The following TTC7B variants were observed in gnomAD, a reference collection of about 807,000 sequenced individuals.
TTC7B encodes the protein tetratricopeptide repeat protein 7B.
Under a neutral mutation model 106.8 loss-of-function variants are expected in TTC7B, and 28 were observed. The ratio of observed to expected loss-of-function variants is 0.26; its 90% CI spans 0.19 to 0.36. The LOEUF is 0.36. Ranked by LOEUF, TTC7B falls within the 10% of genes least tolerant of loss-of-function variation. The probability of loss-of-function intolerance (pLI) is 1.00; values close to 1 mark genes in which losing one functional copy is unlikely to be tolerated. For missense variants in TTC7B, 862 were observed against 1,076.4 expected (o/e 0.80, Z 2.79); for synonymous variants, 405 against 430.6 (o/e 0.94, Z 0.74).
rs1436498430 is a variant in TTC7B, at chr14:90,805,669, TGAGGC to T, written c.121+10501_121+10505del. The stretch of plus-strand genomic sequence containing the variant: ...CCTCGGGCATTATTTGGGGTTTAAG[TGAGGC>T]TGCAATAACCAGCTCCCAACGACTT... On this transcript the variant is annotated intron_variant, in intron 1 of 19. Transcript: ENST00000328459. This position sits in a 1 kb window ranked among gnomAD's most constrained non-coding sequence, Gnocchi z 4.0. Among the ~76,000 whole-genome samples the T allele has an allele frequency of 6.6e-6, 1 of 152,196 alleles. No individual in the cohort carries two copies.
At chr14:90,778,762 T>C (rs1566883283) in intron 3 of TTC7B, among the ~76,000 whole-genome samples, 1 of 152,202 alleles carries the variant, frequency 6.6e-6, no homozygotes, top group Non-Finnish European at 1.5e-5. Flanking sequence ...GGCGTGCCCA[T>C]TAAACTGCCA....
At position 90,742,708 on chromosome 14, in the gene TTC7B, A is replaced by T. The variant is rs1889816859; in HGVS notation, c.576+2084T>A. Among the ~76,000 whole-genome samples, 1 of 152,230 alleles carries T rather than the reference A, an allele frequency of 6.6e-6. No homozygotes were observed. On this transcript the variant is annotated intron_variant, in intron 4 of 19. Transcript: ENST00000328459. This position sits in a 1 kb window ranked among gnomAD's most constrained non-coding sequence, Gnocchi z 4.1. ...TTATGATCACCATTTCCCCAAAATCAAAGAAAAGGATTTCTTTTAAATCCT... is the reference window on the plus strand; with the variant it reads ...TTATGATCACCATTTCCCCAAAATCTAAGAAAAGGATTTCTTTTAAATCCT...
intron 19 of TTC7B, among the ~76,000 whole-genome samples, chr14:90,554,126 G>A (rs1890202360): frequency 6.6e-6 from 1 of 152,202 alleles, no homozygotes; most frequent in African/African-American, 2.4e-5. Context: ...CAGCATTGGT[G>A]CTGACATATC....
intron 4 of TTC7B, among the ~76,000 whole-genome samples, chr14:90,739,592 G>C (rs1889679265): frequency 6.6e-6 from 1 of 152,228 alleles, no homozygotes; most frequent in Non-Finnish European, 1.5e-5. Context: ...AGTCTAGGTG[G>C]GGCACTGTAA....
chr14:90,575,295 A>T lies in TTC7B; in HGVS notation c.2310+2811T>A, dbSNP rs1406802635. 6.6e-6 allele frequency among the ~76,000 whole-genome samples: 1 copy of T among 152,230 alleles called. No homozygotes were observed. Among genetic ancestry groups the T allele is most frequent in the Non-Finnish European group, 1.5e-5 (1 of 68,034 alleles). On this transcript the variant is annotated intron_variant, in intron 19 of 19. Transcript: ENST00000328459. The surrounding 1 kb of genome is among the most constrained non-coding windows in gnomAD (Gnocchi z 5.2). ...GTTATCCTCATTTATATAGCTGAGG[A>T]AAATGAGGCACCAAGAGGGTGAATA...
chr14:90,531,421 C>T lies in TTC7B; in HGVS notation c.*9947G>A, dbSNP rs1244103795. ...TCTGTCTCTACTAAGCACAAAAAAT[C>T]AAAAATACAAAACAAAAAAACAAAC... On this transcript the variant is annotated 3_prime_UTR_variant, in exon 20 of 20. Coordinates refer to ENST00000328459, the MANE Select transcript of TTC7B (RefSeq NM_001010854.2). 6.7e-6 allele frequency: 1 copy of T among 148,226 alleles called. No homozygotes were observed. Among genetic ancestry groups the T allele is most frequent in the Admixed American group, 6.7e-5 (1 of 14,886 alleles). 9.2% of individuals were successfully genotyped at this position (148,226 alleles called of 1,614,324 possible).
At chr14:90,734,585 C>G (rs1210489100) in intron 4 of TTC7B, among the ~76,000 whole-genome samples, 1 of 152,078 alleles carries the variant, frequency 6.6e-6, no homozygotes, top group Non-Finnish European at 1.5e-5. Context: ...CCTTGCCATC[C>G]TCGACACTGC....
At chr14:90,706,038 T>G (rs570687733) in intron 5 of TTC7B, among the ~76,000 whole-genome samples, 1 of 152,234 alleles carries the variant, frequency 6.6e-6, no homozygotes, top group African/African-American at 2.4e-5. Context: ...TTCAGCAGTG[T>G]TGTGCTCTTG....
chr14:90,703,588 G>GA (rs1023499096), intron 5 of TTC7B, among the ~76,000 whole-genome samples: 17 of 150,868 alleles, frequency 1.1e-4, no homozygotes, highest in Admixed American at 4.0e-4. Flanking sequence ...GAAAGAAAGG[G>GA]AAAAAAAAAG....
At chr14:90,590,088 G>A (rs1386552389) in intron 18 of TTC7B, among the ~76,000 whole-genome samples, 2 of 152,272 alleles carry the variant, frequency 1.3e-5, no homozygotes, top group East Asian at 1.9e-4. Context: ...TGTGGTGGGG[G>A]TGACTGAGGC....
chr14:90,555,585 C>A (rs1280462953), intron 19 of TTC7B, among the ~76,000 whole-genome samples: 1 of 152,242 alleles, frequency 6.6e-6, no homozygotes, highest in Admixed American at 6.5e-5. Context: ...CTGCAACCTG[C>A]ACCAGCGCCA....
At position 90,561,299 on chromosome 14, in the gene TTC7B, A is replaced by G. The variant is rs527665196; in HGVS notation, c.2310+16807T>C. The stretch of plus-strand genomic sequence containing the variant: ...ATTCAACTGGATCTAATCAAGACTG[A>G]ACTGGCAAGGGTGGACCCCAGGCAT... On this transcript the variant is annotated intron_variant, in intron 19 of 19. Transcript: ENST00000328459. Among the ~76,000 whole-genome samples, 310 of 152,332 alleles carry G rather than the reference A, an allele frequency of 2.0e-3. 3 individuals are homozygous for G. The highest frequency in any genetic ancestry group is 7.1e-3 in the African/African-American group (297 of 41,580).
intron 19 of TTC7B, among the ~76,000 whole-genome samples, chr14:90,560,769 T>C (rs150135823): frequency 3.0e-4 from 46 of 152,298 alleles, no homozygotes; most frequent in African/African-American, 1.0e-3. Context: ...CTGGTGGGTG[T>C]GTGGGCGTCT....
intron 6 of TTC7B, 122 bp downstream of exon 6, chr14:90,695,378 A>G (rs1250215462): frequency 1.5e-5 from 6 of 410,238 alleles, no homozygotes; most frequent in Middle Eastern, 9.1e-4. Context: ...TATATGTCAC[A>G]TATATTTATA....
intron 19 of TTC7B, among the ~76,000 whole-genome samples, chr14:90,553,998 AGCACCTAGGGTGCTG>A (rs1363182519): frequency 6.6e-6 from 1 of 152,254 alleles, no homozygotes; most frequent in Non-Finnish European, 1.5e-5. Context: ...AGTAAACGCC[AGCACCTAGGGTGCTG>A]GCAGCCTGGC....
At chr14:90,769,918 G>A (rs898147136) in intron 3 of TTC7B, among the ~76,000 whole-genome samples, 1 of 152,208 alleles carries the variant, frequency 6.6e-6, no homozygotes, top group Non-Finnish European at 1.5e-5. Context: ...GGGGGCTGAG[G>A]CAGGAGAGTC....
intron 6 of TTC7B, 33 bp downstream of exon 6, chr14:90,695,466 TG>T: frequency 7.3e-7 from 1 of 1,372,898 alleles, no homozygotes; most frequent in Non-Finnish European, 9.9e-7. Flanking sequence ...ACAAGTGCCC[TG>T]CTGGCCTCAA....
intron 3 of TTC7B, among the ~76,000 whole-genome samples, chr14:90,764,265 G>T (rs1890601325): frequency 6.6e-6 from 1 of 152,110 alleles, no homozygotes; most frequent in Non-Finnish European, 1.5e-5. Context: ...CATACAAAAA[G>T]AATGAAGTTG....
chr14:90,712,270 T>C (rs1888477961), intron 5 of TTC7B, among the ~76,000 whole-genome samples: 1 of 152,166 alleles, frequency 6.6e-6, no homozygotes, highest in Non-Finnish European at 1.5e-5. Context: ...TTATTCAACA[T>C]TGTACTGGAG....
Sources: gnomAD v4.1 joint callset for allele counts (sites outside exome capture counted in the v4.1 genomes callset) on GRCh38, gnomAD v4.1.1 for gene constraint, Gnocchi (gnomAD v3.1) non-coding constraint, MANE v1.5 for transcripts, NCBI Gene and HGNC (gene_info 2026-07-23, HGNC 2026-07-21) for gene names.